Variants in DOCK10 observed in about 807,000 individuals in gnomAD.
DOCK10 encodes the protein dedicator of cytokinesis 10.
DOCK10 carries 145 observed loss-of-function variants against 280.1 expected under a neutral mutation model. That is an observed-to-expected ratio of 0.52 (90% confidence interval 0.45 to 0.59). The LOEUF (loss-of-function observed/expected upper bound fraction) is 0.59. Ranked by LOEUF, DOCK10 falls within the 20% of genes least tolerant of loss-of-function variation. The probability of loss-of-function intolerance (pLI) is 0.00; values close to 1 mark genes in which losing one functional copy is unlikely to be tolerated. For synonymous variants in DOCK10, 915 were observed against 942.2 expected, an observed-to-expected ratio of 0.97 and a Z score of 0.53; for missense variants, 2,368 against 2,651.7, an observed-to-expected ratio of 0.89 and a Z score of 2.35.
intron 3 of DOCK10, among the ~76,000 whole-genome samples, chr2:224,913,144 C>A (rs931837678): frequency 2.6e-5 from 4 of 152,026 alleles, no homozygotes; most frequent in African/African-American, 9.7e-5. Context: ...TAGCCTCACC[C>A]TTATTAATTG....
At chr2:224,895,459 G>T (rs897970003) in intron 4 of DOCK10, among the ~76,000 whole-genome samples, 1 of 152,114 alleles carries the variant, frequency 6.6e-6, no homozygotes, top group African/African-American at 2.4e-5. Flanking sequence ...CCAGTTCAAG[G>T]AAGTTCTTTA....
At chr2:224,789,229 G>T (rs1254443018) in intron 47 of DOCK10, 59 bp from the exon 48 acceptor site, 2 of 1,047,036 alleles carry the variant, frequency 1.9e-6, no homozygotes, top group Non-Finnish European at 2.9e-6. Flanking sequence ...GCTTAGATTA[G>T]ATAATGCCTT....
intron 51 of DOCK10, among the ~76,000 whole-genome samples, 160 bp from the exon 52 acceptor site, chr2:224,775,275 G>A (rs1332137606): frequency 6.6e-6 from 1 of 152,182 alleles, no homozygotes; most frequent in Non-Finnish European, 1.5e-5. Flanking sequence ...GGATCACAGA[G>A]AGAGTAAAGG....
At chr2:224,837,395 A>C (rs182900073) in intron 25 of DOCK10, among the ~76,000 whole-genome samples, 79 of 152,372 alleles carry the variant, frequency 5.2e-4, no homozygotes, top group African/African-American at 1.7e-3. Flanking sequence ...AGCATTACAG[A>C]GGAAACACAG....
At chr2:224,798,780 T>A (rs1692765715) in intron 41 of DOCK10, among the ~76,000 whole-genome samples, 1 of 152,010 alleles carries the variant, frequency 6.6e-6, no homozygotes, top group South Asian at 2.1e-4. Context: ...TACAGGCATG[T>A]GCCACCATAG....
chr2:224,910,244 T>C (rs900299271), intron 3 of DOCK10, among the ~76,000 whole-genome samples: 1 of 152,228 alleles, frequency 6.6e-6, no homozygotes, highest in African/African-American at 2.4e-5. Context: ...ATTTCAGTGC[T>C]AGCATAATCT....
At chr2:225,031,425 T>C (rs1690071388) in intron 1 of DOCK10, among the ~76,000 whole-genome samples, 1 of 152,196 alleles carries the variant, frequency 6.6e-6, no homozygotes, top group Non-Finnish European at 1.5e-5. Flanking sequence ...TACCTTGGTA[T>C]CAGTTGCTAG....
chr2:224,779,727 A>G lies in DOCK10; in HGVS notation c.5656-1443T>C, dbSNP rs570300685. Among the ~76,000 whole-genome samples the G allele has an allele frequency of 6.6e-5, 10 of 152,336 alleles. No individual in the cohort carries two copies. The South Asian group carries it at 2.1e-3, about 32-fold the overall frequency. On this transcript the variant is annotated intron_variant, in intron 50 of 55. Coordinates refer to ENST00000258390, the MANE Select transcript of DOCK10 (RefSeq NM_014689.3). ...TAAACTCACATCTGTATGATGCTTT[A>G]TACTTCAAAAGCACTTTCATACATG...
intron 19 of DOCK10, among the ~76,000 whole-genome samples, chr2:224,846,009 C>A (rs1559546820): frequency 6.6e-6 from 1 of 152,238 alleles, no homozygotes; most frequent in African/African-American, 2.4e-5. Context: ...CAGGCATGAG[C>A]CACCAAACCA....
chr2:224,993,837 A>T (rs187394319), intron 1 of DOCK10, among the ~76,000 whole-genome samples: 40 of 152,222 alleles, frequency 2.6e-4, no homozygotes, highest in African/African-American at 9.1e-4. Flanking sequence ...CCATGCTGGT[A>T]GTGTTTCTAC....
In DOCK10 at chr2:225,035,542, T is replaced by TTATATA. The variant is rs57424275; in HGVS notation, c.123+6704_123+6709dup. Among the ~76,000 whole-genome samples the TTATATA allele has an allele frequency of 4.7e-3, 234 of 49,936 alleles. 3 individuals are homozygous for TTATATA. Among genetic ancestry groups the TTATATA allele is most frequent in the African/African-American group, 5.8e-3 (77 of 13,348 alleles). The allele number at this position is 49,936 out of a possible 152,430, so 32.8% of individuals were successfully genotyped here. On this transcript the variant is annotated intron_variant, in intron 1 of 55. Transcript: ENST00000258390. The stretch of plus-strand genomic sequence containing the variant: ...TAGATCTTATATGATATGATATATA[T>TTATATA]TATATATATATATATATATATATAT...
At chr2:224,876,787 C>T (rs891274053) in intron 7 of DOCK10, among the ~76,000 whole-genome samples, 13 of 152,124 alleles carry the variant, frequency 8.5e-5, no homozygotes, top group Non-Finnish European at 1.6e-4. Context: ...TGCCTTTTTT[C>T]GATCTCCTCT....
intron 1 of DOCK10, among the ~76,000 whole-genome samples, chr2:224,957,449 C>A (rs1442881926): frequency 6.6e-6 from 1 of 151,998 alleles, no homozygotes; most frequent in Admixed American, 6.5e-5. Flanking sequence ...TATCATCACA[C>A]CTTTTTTCAT....
Position 224,791,468 on chromosome 2 carries a change from C to CTT in DOCK10, c.5311+1504_5311+1505dup, listed in dbSNP as rs11399072. Reference sequence around the variant, plus strand: ...TGCTTTGGTCATTTGGTTCAAAAGTCTTTTTTTTTTTTTTGAGATGGAGTC... The same window carrying CTT: ...TGCTTTGGTCATTTGGTTCAAAAGTCTTTTTTTTTTTTTTTTGAGATGGAGTC... On this transcript the variant is annotated intron_variant, in intron 47 of 55. Coordinates refer to ENST00000258390, the MANE Select transcript of DOCK10 (RefSeq NM_014689.3). Among the ~76,000 whole-genome samples the CTT allele has an allele frequency of 2.0e-3, 280 of 141,330 alleles. 1 individual carries two copies. The highest frequency in any genetic ancestry group is 5.3e-3 in the African/African-American group (204 of 38,354). 92.7% of individuals were successfully genotyped at this position (141,330 alleles called of 152,430 possible).
At chr2:224,818,159 C>T (rs10933073) in intron 29 of DOCK10, among the ~76,000 whole-genome samples, 98,609 of 152,004 alleles carry the variant, frequency 0.65, 34,057 homozygotes, top group African/African-American at 0.89. Context: ...TTTGCAATTA[C>T]TGTCAGGCCC....
intron 1 of DOCK10, among the ~76,000 whole-genome samples, chr2:224,940,950 GTATT>G (rs1490185583): frequency 2.0e-5 from 3 of 152,042 alleles, no homozygotes; most frequent in African/African-American, 7.2e-5. Context: ...CACATTTACT[GTATT>G]TATTTATTAT....
intron 1 of DOCK10, among the ~76,000 whole-genome samples, chr2:225,008,641 C>T (rs13418728): frequency 0.15 from 23,515 of 152,028 alleles, 2,474 homozygotes; most frequent in Non-Finnish European, 0.21. Context: ...GTACCAAAGA[C>T]CATAAATCAC....
intron 1 of DOCK10, among the ~76,000 whole-genome samples, chr2:224,951,023 G>C (rs1703697502): frequency 6.6e-6 from 1 of 152,198 alleles, no homozygotes; most frequent in Non-Finnish European, 1.5e-5. Context: ...TGTCTAAAAA[G>C]ATTCAGTGTG....
At chr2:224,985,640 A>AAAAAG (rs1402341054) in intron 1 of DOCK10, among the ~76,000 whole-genome samples, 1 of 151,568 alleles carries the variant, frequency 6.6e-6, no homozygotes, top group Non-Finnish European at 1.5e-5. Context: ...GAAAAAAAAA[A>AAAAAG]AGAGAAAAAC....
Sources: gnomAD v4.1 joint callset for allele counts (sites outside exome capture counted in the v4.1 genomes callset) on GRCh38, gnomAD v4.1.1 for gene constraint, MANE v1.5 for transcripts, NCBI Gene and HGNC (gene_info 2026-07-23, HGNC 2026-07-21) for gene names.